EIF4G3: variants seen among roughly 807,000 people sequenced by gnomAD.
EIF4G3 encodes the protein eukaryotic translation initiation factor 4 gamma 3.
Under a neutral mutation model 186.4 loss-of-function variants are expected in EIF4G3, and 34 were observed. The observed-to-expected ratio is 0.18, with a 90% CI of 0.14 to 0.24. EIF4G3 has a LOEUF of 0.24. EIF4G3 is among the 10% of genes least tolerant of loss of function. EIF4G3 has a pLI of 1.00. For synonymous variants in EIF4G3, 673 were observed against 679.5 expected, an observed-to-expected ratio of 0.99 and a Z score of 0.15; for missense variants, 1,536 against 1,948.5, an observed-to-expected ratio of 0.79 and a Z score of 3.99.
At chr1:21,020,870 A>G (rs1201659835) in intron 4 of EIF4G3, among the ~76,000 whole-genome samples, 2 of 152,246 alleles carry the variant, frequency 1.3e-5, no homozygotes, top group South Asian at 2.1e-4. Flanking sequence ...CGTATTTCCT[A>G]CTTTATATAT....
chr1:20,879,466 T>A lies in EIF4G3; in HGVS notation c.2479A>T (p.Asn827Tyr), dbSNP rs762546644. Reference protein sequence around the residue: ...ILNKLTPQMFNQLMKQVSGLT... With the variant: ...ILNKLTPQMFYQLMKQVSGLT... Reference sequence around the variant, plus strand: ...CCTGACACTTGCTTCATCAGTTGATTGAACATCTGTGGTGTCAATTTATTT... The same window carrying A: ...CCTGACACTTGCTTCATCAGTTGATAGAACATCTGTGGTGTCAATTTATTT... Residue 827 changes from asparagine (N) to tyrosine (Y), a missense_variant, in exon 20 of 37, where the codon AAT (asparagine) becomes TAT (tyrosine). Asn to Tyr is a moderately radical substitution (Grantham distance 143). Around this residue, in one of 11 missense-constraint regions of EIF4G3, gnomAD observed 139 missense variants for 192.8 expected, o/e 0.72. Coordinates refer to ENST00000602326, the MANE Select transcript of EIF4G3 (RefSeq NM_001391906.1). The A allele has an allele frequency of 3.8e-6, 6 of 1,558,876 alleles. No individual in the cohort carries two copies. The highest frequency in any genetic ancestry group is 5.2e-6 in the Non-Finnish European group (6 of 1,152,340).
intron 25 of EIF4G3, among the ~76,000 whole-genome samples, chr1:20,855,596 C>T (rs1175722348): frequency 1.3e-5 from 2 of 152,118 alleles, no homozygotes; most frequent in African/African-American, 4.8e-5. Context: ...CCTGATATCT[C>T]ATGTTTAATC....
intron 2 of EIF4G3, among the ~76,000 whole-genome samples, chr1:21,110,347 G>C (rs1033687107): frequency 3.3e-5 from 5 of 151,664 alleles, no homozygotes; most frequent in Non-Finnish European, 7.4e-5. Context: ...CTAGGCTGGA[G>C]TGCAGTGACG....
Position 20,941,860 on chromosome 1 carries a change from C to A in EIF4G3, c.1294G>T (p.Val432Leu). 1 of 1,614,164 alleles carries A rather than the reference C, an allele frequency of 6.2e-7. No individual in the cohort carries two copies. Among genetic ancestry groups the A allele is most frequent in the Non-Finnish European group, 8.5e-7 (1 of 1,180,020 alleles). ...GTCAATGGCAATACTTCCTGTTTTACTATTTCCACAATGCTCTCCGTGGCT... is the reference window on the plus strand; with the variant it reads ...GTCAATGGCAATACTTCCTGTTTTAATATTTCCACAATGCTCTCCGTGGCT... ...LSATESIVEIVKQEVLPLTLE... is the reference protein window; with the variant it reads ...LSATESIVEILKQEVLPLTLE... Residue 432 changes from valine to leucine, a missense_variant, in exon 14 of 37, where the codon GTA (valine) becomes TTA (leucine). Around this residue, in one of 11 missense-constraint regions of EIF4G3, gnomAD observed 560 missense variants for 547.8 expected, o/e 1.02. Coordinates refer to ENST00000602326, the MANE Select transcript of EIF4G3 (RefSeq NM_001391906.1).
chr1:21,007,632 T>A (rs2154569499), intron 4 of EIF4G3, among the ~76,000 whole-genome samples: 2 of 150,214 alleles, frequency 1.3e-5, no homozygotes, highest in African/African-American at 4.9e-5. Context: ...TTTAGAATAA[T>A]CTTTAGAATG....
intron 4 of EIF4G3, among the ~76,000 whole-genome samples, chr1:21,018,787 T>C (rs2089945600): frequency 6.6e-6 from 1 of 152,110 alleles, no homozygotes; most frequent in South Asian, 2.1e-4. Flanking sequence ...GGTTCTCTCA[T>C]CATGTGATCT....
At position 20,995,871 on chromosome 1, in the gene EIF4G3, A is replaced by G. The variant is rs543411936; in HGVS notation, c.177+1730T>C. Among the ~76,000 whole-genome samples the G allele has an allele frequency of 6.6e-5, 10 of 152,312 alleles. No homozygotes were observed. In the South Asian group the frequency reaches 2.1e-3, roughly 32 times the overall value. On this transcript the variant is annotated intron_variant, in intron 7 of 36. Transcript: ENST00000602326. ...CACAAGCATGTGAACAAAGAAATTAACAGGTGCCTTACATAAAGGAGATCA... is the reference window on the plus strand; with the variant it reads ...CACAAGCATGTGAACAAAGAAATTAGCAGGTGCCTTACATAAAGGAGATCA...
At chr1:21,026,786 C>T (rs773127822) in intron 4 of EIF4G3, among the ~76,000 whole-genome samples, 1 of 151,822 alleles carries the variant, frequency 6.6e-6, no homozygotes, top group Non-Finnish European at 1.5e-5. Flanking sequence ...CCTGTCTCTA[C>T]TAAAAATACA....
rs111459199 is a variant in EIF4G3, at chr1:21,137,419, C to A, written c.-272+38756G>T. ...AGCCTCCAAATTGTTGGATTACAGG[C>A]ATTAGACACTGCACCTGGTCTCAAA... On this transcript the variant is annotated intron_variant, in intron 2 of 36. Transcript: ENST00000602326. 8.0e-3 allele frequency among the ~76,000 whole-genome samples: 1,211 copies of A among 152,162 alleles called. 13 individuals carry two copies. The highest frequency in any genetic ancestry group is 0.028 in the African/African-American group (1,162 of 41,516).
chr1:20,820,596 G>GGC (rs1227374412), intron 33 of EIF4G3, among the ~76,000 whole-genome samples: 1 of 152,214 alleles, frequency 6.6e-6, no homozygotes, highest in African/African-American at 2.4e-5. Context: ...GTCCAGCAGA[G>GGC]TGGAGTAGGG....
At chr1:20,923,833 ATT>A (rs34226638) in intron 14 of EIF4G3, among the ~76,000 whole-genome samples, 3 of 142,010 alleles carry the variant, frequency 2.1e-5, no homozygotes, top group Non-Finnish European at 4.7e-5. Flanking sequence ...ATATATATAT[ATT>A]TATCTGTCTC....
At chr1:20,949,534 T>C (rs1263737923) in intron 13 of EIF4G3, among the ~76,000 whole-genome samples, 2 of 152,208 alleles carry the variant, frequency 1.3e-5, no homozygotes, top group African/African-American at 4.8e-5. Flanking sequence ...AACTAGTGCA[T>C]GATGGAGCCG....
At chr1:20,872,445 T>C (rs1430052765) in intron 20 of EIF4G3, among the ~76,000 whole-genome samples, 1 of 152,166 alleles carries the variant, frequency 6.6e-6, no homozygotes, top group Non-Finnish European at 1.5e-5. Context: ...TTTAAGAAAC[T>C]AAATATTACA....
At chr1:21,038,800 C>A (rs188565390) in intron 4 of EIF4G3, among the ~76,000 whole-genome samples, 24 of 152,268 alleles carry the variant, frequency 1.6e-4, no homozygotes, top group Admixed American at 3.9e-4. Flanking sequence ...AAGGTGAATA[C>A]TACATCTTAA....
In EIF4G3 at chr1:20,973,062, T is replaced by A. The variant is rs750003317; in HGVS notation, c.531A>T (p.Ser177=). 6.2e-7 allele frequency: 1 copy of A among 1,611,278 alleles called. No homozygotes were observed. The highest frequency in any genetic ancestry group is 8.5e-7 in the Non-Finnish European group (1 of 1,179,326). The change falls in exon 11 of 37, where the codon TCA becomes TCT. Residue 177 remains serine, a synonymous_variant. Coordinates refer to ENST00000602326, the MANE Select transcript of EIF4G3 (RefSeq NM_001391906.1). ...PFYPSQPVYQ[S]APIIVPTQQQ... is the part of the protein sequence containing the mutation. ...GCTGCGTAGGCACTATGATAGGTGC[T>A]GACTGATACACCGGCTGACTTGGGT...
At chr1:20,829,362 A>G in intron 30 of EIF4G3, 90 bp from the exon 31 acceptor site, 5 of 1,425,204 alleles carry the variant, frequency 3.5e-6, no homozygotes, top group African/African-American at 1.4e-5. Flanking sequence ...CAACAAATAC[A>G]TATTAATCAC....
At chr1:20,897,358 T>A (rs1015717621) in intron 16 of EIF4G3, among the ~76,000 whole-genome samples, 1 of 151,714 alleles carries the variant, frequency 6.6e-6, no homozygotes, top group Non-Finnish European at 1.5e-5. Flanking sequence ...GATACAACCC[T>A]TGGCTTCATA....
At chr1:20,909,571 T>C (rs1318615465) in intron 14 of EIF4G3, among the ~76,000 whole-genome samples, 1 of 152,160 alleles carries the variant, frequency 6.6e-6, no homozygotes, top group African/African-American at 2.4e-5. Flanking sequence ...ATTGTAAACA[T>C]TTTGGGTTAT....
intron 3 of EIF4G3, among the ~76,000 whole-genome samples, chr1:21,079,789 T>C (rs939127349): frequency 6.6e-6 from 1 of 151,938 alleles, no homozygotes; most frequent in Non-Finnish European, 1.5e-5. Context: ...GAGAATTGCT[T>C]GAGCCCTGAC....
Sources: allele counts gnomAD v4.1 joint callset (sites outside exome capture counted in the v4.1 genomes callset), GRCh38; gene constraint gnomAD v4.1.1; regional missense constraint gnomAD v4.1.1; transcripts MANE v1.5; gene names NCBI Gene and HGNC (gene_info 2026-07-23, HGNC 2026-07-21).